Variants in ESCO2 observed in about 807,000 individuals in gnomAD.
ESCO2 encodes the protein establishment of sister chromatid cohesion N-acetyltransferase 2, also known as N-acetyltransferase ESCO2.
Under a neutral mutation model 61.7 loss-of-function variants are expected in ESCO2, and 51 were observed. The observed-to-expected ratio is 0.83, with a 90% CI of 0.66 to 1.04. ESCO2 has a LOEUF of 1.04. Among genes scored for constraint, ESCO2 ranks in the 50% least tolerant of loss-of-function variants. The pLI, the probability that ESCO2 is intolerant of heterozygous loss-of-function variation, is 0.00. For synonymous variants in ESCO2, 230 were observed against 238.2 expected, an observed-to-expected ratio of 0.97 and a Z score of 0.32; for missense variants, 692 against 686.2, an observed-to-expected ratio of 1.01 and a Z score of -0.09.
chr8:27,794,508 A>G (rs1805252036), intron 9 of ESCO2, among the ~76,000 whole-genome samples: 1 of 152,046 alleles, frequency 6.6e-6, no homozygotes, highest in African/African-American at 2.4e-5. Flanking sequence ...CCCCTATTGT[A>G]TACACAAATT....
Position 27,803,324 on chromosome 8 carries a change from C to T in ESCO2, c.1692C>T (p.Gly564=). 6.2e-7 allele frequency: 1 copy of T among 1,613,880 alleles called. No individual in the cohort carries two copies. The highest frequency in any genetic ancestry group is 8.5e-7 in the Non-Finnish European group (1 of 1,179,942). Residue 564 remains glycine (G), a synonymous_variant, in exon 11 of 11, where the codon GGC becomes GGT. Coordinates refer to ENST00000305188, the MANE Select transcript of ESCO2 (RefSeq NM_001017420.3). ...VDTLRNCFMF[G]CFLSTDEIAF... ...CTTTTAGGAATTGCTTCATGTTTGG[C>T]TGTTTTCTCAGCACTGATGAAATAG...
rs2128959507 is a variant in ESCO2 at position 27,804,804 on chromosome 8, C to T, written c.*1366C>T. ...GCAAACATTTTAATGCTATTTTCTGCACTTATTTCTTTTAAATATTTTATT... is the reference window on the plus strand; with the variant it reads ...GCAAACATTTTAATGCTATTTTCTGTACTTATTTCTTTTAAATATTTTATT... On this transcript the variant is annotated 3_prime_UTR_variant, in exon 11 of 11. Coordinates refer to ENST00000305188, the MANE Select transcript of ESCO2 (RefSeq NM_001017420.3). 1 of 961,132 alleles carries T rather than the reference C, an allele frequency of 1.0e-6. No homozygotes were observed. The highest frequency in any genetic ancestry group is 1.8e-5 in the African/African-American group (1 of 56,844). 59.5% of individuals were successfully genotyped at this position (961,132 alleles called of 1,614,324 possible).
chr8:27,788,070 T>C, intron 6 of ESCO2, 68 bp downstream of exon 6: 1 of 1,094,180 alleles, frequency 9.1e-7, no homozygotes, highest in East Asian at 2.4e-5. Context: ...ACCCCTGTAT[T>C]AGACAGTTCA....
intron 9 of ESCO2, among the ~76,000 whole-genome samples, chr8:27,797,993 G>A (rs1432603425): frequency 6.6e-6 from 1 of 152,138 alleles, no homozygotes; most frequent in Non-Finnish European, 1.5e-5. Flanking sequence ...ACAATGTTGT[G>A]TTGTTCGTAA....
downstream of ESCO2, chr8:27,810,447 C>T (rs769244420): frequency 5.6e-6 from 9 of 1,609,882 alleles, no homozygotes; most frequent in African/African-American, 4.0e-5. Context: ...TGGCCTAGTT[C>T]CCAACGCTGC....
intron 9 of ESCO2, among the ~76,000 whole-genome samples, chr8:27,798,133 GC>G (rs1327579741): frequency 6.6e-6 from 1 of 152,152 alleles, no homozygotes; most frequent in East Asian, 1.9e-4. Flanking sequence ...AAATATTACA[GC>G]CACTCTGGAA....
At chr8:27,811,069 TCTC>T (rs1585419314), downstream of ESCO2, 2 of 1,613,112 alleles carry the variant, frequency 1.2e-6, no homozygotes, top group African/African-American at 1.3e-5. Context: ...ATAACACCAT[TCTC>T]CTCCACAGCT....
upstream of ESCO2, chr8:27,772,649 C>A (rs1804676804): frequency 9.1e-7 from 1 of 1,093,644 alleles, no homozygotes. Context: ...CTCCTCCGTG[C>A]ACTTCCGGCG....
downstream of ESCO2, chr8:27,811,253 G>GA: frequency 1.2e-6 from 1 of 812,366 alleles, no homozygotes; most frequent in Non-Finnish European, 2.0e-6. Flanking sequence ...AGTGTAGCCA[G>GA]AAAATGTAAA....
rs1805540234 is a variant in ESCO2 at position 27,805,286 on chromosome 8, T to TAAAA, written c.*1848_*1849insAAAA. The TAAAA allele has an allele frequency of 3.6e-5, 1 of 27,822 alleles. No individual in the cohort carries two copies. The highest frequency in any genetic ancestry group is 7.8e-5 in the Non-Finnish European group (1 of 12,872). 1.7% of individuals were successfully genotyped at this position (27,822 alleles called of 1,614,324 possible). On this transcript the variant is annotated 3_prime_UTR_variant, in exon 11 of 11. Coordinates refer to ENST00000305188, the MANE Select transcript of ESCO2 (RefSeq NM_001017420.3). ...CTGGGCGACAGAGCGAGACTCCGTCTCAAAAAAAAAAAAAAAAAAAAAAAA... is the reference window on the plus strand; with the variant it reads ...CTGGGCGACAGAGCGAGACTCCGTCTAAAACAAAAAAAAAAAAAAAAAAAAAAAA...
chr8:27,809,688 G>A (rs913146587), downstream of ESCO2: 1 of 151,944 alleles, frequency 6.6e-6, no homozygotes, highest in Non-Finnish European at 1.5e-5. Flanking sequence ...TACACAGCTG[G>A]GAAATGCTTA....
In ESCO2 at chr8:27,804,732, C is replaced by T. The variant is rs1805524346; in HGVS notation, c.*1294C>T. The T allele has an allele frequency of 2.0e-6, 2 of 984,654 alleles. No homozygotes were observed. The highest frequency in any genetic ancestry group is 2.4e-6 in the Non-Finnish European group (2 of 829,416). The allele number at this position is 984,654 out of a possible 1,614,324, so 61.0% of individuals were successfully genotyped here. A position where few individuals can be genotyped will look rare whatever the true frequency, so the allele number is the denominator to read the frequency against. ...TTAACATGTTTCCAAAATTTAAAAG[C>T]CTGGGTCCCCAAAAGAATGTGGAAG... On this transcript the variant is annotated 3_prime_UTR_variant, in exon 11 of 11. Transcript: ENST00000305188.
intron 7 of ESCO2, among the ~76,000 whole-genome samples, chr8:27,791,378 G>A (rs1805170923): frequency 6.6e-6 from 1 of 152,086 alleles, no homozygotes; most frequent in South Asian, 2.1e-4. Flanking sequence ...CTGAAGGCAA[G>A]TTAACCACCT....
At chr8:27,784,308 ATACCT>A (rs1044867654) in intron 5 of ESCO2, among the ~76,000 whole-genome samples, 9 of 152,192 alleles carry the variant, frequency 5.9e-5, no homozygotes, top group African/African-American at 2.2e-4. Context: ...TTATTATATA[ATACCT>A]TACCCATAAT....
intron 10 of ESCO2, among the ~76,000 whole-genome samples, chr8:27,801,859 A>G (rs891976888): frequency 6.6e-6 from 1 of 151,866 alleles, no homozygotes; most frequent in Admixed American, 6.6e-5. Context: ...ATATTCTCTT[A>G]TATAACCATG....
chr8:27,808,613 A>C (rs539536406), downstream of ESCO2, among the ~76,000 whole-genome samples: 1 of 144,790 alleles, frequency 6.9e-6, no homozygotes, highest in South Asian at 2.3e-4. Context: ...TGTGCCTGGG[A>C]GGTTGAGACT....
rs757615491 is a variant in ESCO2, at chr8:27,803,488, T to C, written c.*50T>C. On this transcript the variant is annotated 3_prime_UTR_variant, in exon 11 of 11. Transcript: ENST00000305188. Reference sequence around the variant, plus strand: ...TACTATCTGGATAAGTTCAAAGAGCTCCTTATTATAAAATACAAACTATTT... The same window carrying C: ...TACTATCTGGATAAGTTCAAAGAGCCCCTTATTATAAAATACAAACTATTT... 7.4e-5 allele frequency: 118 copies of C among 1,603,450 alleles called. No individual in the cohort carries two copies. The highest frequency in any genetic ancestry group is 9.9e-5 in the Non-Finnish European group (116 of 1,174,002).
At chr8:27,799,010 T>C (rs1254646441) in intron 9 of ESCO2, among the ~76,000 whole-genome samples, 34 of 152,202 alleles carry the variant, frequency 2.2e-4, no homozygotes, top group Admixed American at 2.2e-3. Context: ...ATTATACCAA[T>C]GGTAATTTCA....
At position 27,804,404 on chromosome 8, in the gene ESCO2, C is replaced by T. The variant is rs1805518277; in HGVS notation, c.*966C>T. 1 of 985,172 alleles carries T rather than the reference C, an allele frequency of 1.0e-6. No homozygotes were observed. Among genetic ancestry groups the T allele is most frequent in the Non-Finnish European group, 1.2e-6 (1 of 829,924 alleles). The allele number at this position is 985,172 out of a possible 1,614,324, so 61.0% of individuals were successfully genotyped here. A position where few individuals can be genotyped will look rare whatever the true frequency, so the allele number is the denominator to read the frequency against. ...AATTTTTTGCTTGTTTAAAATGCAC[C>T]TTACTTGTTCTGAGATACCTGGCAA... On this transcript the variant is annotated 3_prime_UTR_variant, in exon 11 of 11. Coordinates refer to ENST00000305188, the MANE Select transcript of ESCO2 (RefSeq NM_001017420.3).
Sources: allele counts gnomAD v4.1 joint callset (sites outside exome capture counted in the v4.1 genomes callset), GRCh38; gene constraint gnomAD v4.1.1; transcripts MANE v1.5; gene names NCBI Gene and HGNC (gene_info 2026-07-23, HGNC 2026-07-21).